Variants in MAN2B2 observed in about 807,000 individuals in gnomAD.
MAN2B2 encodes mannosidase alpha class 2B member 2.
In MAN2B2, 106 loss-of-function variants were observed where a neutral mutation model predicts 117.1. The observed-to-expected ratio is 0.90, with a 90% confidence interval of 0.77 to 1.06. The LOEUF (loss-of-function observed/expected upper bound fraction) is 1.06. Among genes scored for constraint, MAN2B2 ranks in the 50% least tolerant of loss-of-function variants. The probability of loss-of-function intolerance (pLI) is 0.00; values close to 1 mark genes in which losing one functional copy is unlikely to be tolerated. For synonymous variants in MAN2B2, 544 were observed against 595.1 expected (o/e 0.91, Z 1.25); for missense variants, 1,326 against 1,381.4 (o/e 0.96, Z 0.64).
chr4:6,578,327 C>A, intron 2 of MAN2B2, 66 bp from the exon 3 acceptor site: 1 of 1,225,254 alleles, frequency 8.2e-7, no homozygotes, highest in South Asian at 1.3e-5. Context: ...TAGGTGTGTT[C>A]CCCACAGACC....
Position 6,610,974 on chromosome 4 carries a change from G to C in MAN2B2, c.2354G>C (p.Gly785Ala). Residue 785 changes from glycine to alanine, a missense_variant, in exon 14 of 19, where the codon GGG (glycine) becomes GCG (alanine). Coordinates refer to ENST00000285599, the MANE Select transcript of MAN2B2 (RefSeq NM_015274.3). Reference sequence around the variant, plus strand: ...CGGGCACATGGCATCTCCAGCCAAGGGAATGGGCAGGTGGAGGTAGGAGGC... The same window carrying C: ...CGGGCACATGGCATCTCCAGCCAAGCGAATGGGCAGGTGGAGGTAGGAGGC... ...SERAHGISSQGNGQVEVMLHR... is the reference protein window; with the variant it reads ...SERAHGISSQANGQVEVMLHR... 6.2e-7 allele frequency: 1 copy of C among 1,614,176 alleles called. No homozygotes were observed. Among genetic ancestry groups the C allele is most frequent in the East Asian group, 2.2e-5 (1 of 44,886 alleles).
At chr4:6,597,059 A>G in intron 7 of MAN2B2, 54 bp from the exon 8 acceptor site, 1 of 1,532,314 alleles carries the variant, frequency 6.5e-7, no homozygotes, top group Middle Eastern at 1.7e-4. Flanking sequence ...GCTGGAGCTT[A>G]GCAGACTTCT....
intron 15 of MAN2B2, among the ~76,000 whole-genome samples, 180 bp downstream of exon 15, chr4:6,611,458 G>A (rs1166791609): frequency 6.6e-6 from 1 of 152,178 alleles, no homozygotes; most frequent in East Asian, 1.9e-4. Flanking sequence ...GGCAAACAGT[G>A]GCTCACTTAA....
intron 3 of MAN2B2, among the ~76,000 whole-genome samples, chr4:6,579,247 T>C (rs1422680083): frequency 0.032 from 163 of 5,086 alleles, no homozygotes; most frequent in Non-Finnish European, 0.036. Context: ...CCACCACCCT[T>C]CACCACCATC....
rs2301788 is a variant in MAN2B2, at chr4:6,605,137, A to G, written c.1622A>G (p.Asn541Ser). Reference sequence around the variant, plus strand: ...CCAGGCCTCAGTTACCGGCACTACAACATCAGACCCACTGCAGGGGCCCAA... The same window carrying G: ...CCAGGCCTCAGTTACCGGCACTACAGCATCAGACCCACTGCAGGGGCCCAA... ...TIPGLSYRHY[N>S]IRPTAGAQEG... is the part of the protein sequence containing the mutation. Residue 541 changes from asparagine (N) to serine (S), a missense_variant, in exon 11 of 19, where the codon AAC becomes AGC. Coordinates refer to ENST00000285599, the MANE Select transcript of MAN2B2 (RefSeq NM_015274.3). 829,725 of 1,613,928 alleles carry G rather than the reference A, an allele frequency of 0.51. 214,707 individuals carry two copies. Among genetic ancestry groups the G allele is most frequent in the East Asian group, 0.66 (29,588 of 44,872 alleles).
intron 2 of MAN2B2, 90 bp from the exon 3 acceptor site, chr4:6,578,303 C>A (rs1334097635): frequency 1.1e-6 from 1 of 899,968 alleles, no homozygotes; most frequent in Non-Finnish European, 1.8e-6. Context: ...TTATGCAGGG[C>A]GTGTGTGGCG....
chr4:6,586,385 A>G (rs754002931), intron 3 of MAN2B2, among the ~76,000 whole-genome samples: 9 of 152,134 alleles, frequency 5.9e-5, no homozygotes, highest in Admixed American at 1.3e-4. Context: ...ACCACCGCAC[A>G]CTTAGGTTTG....
In MAN2B2 at chr4:6,597,290, G is replaced by A. The variant is rs1408735828; in HGVS notation, c.1235G>A (p.Trp412Ter). The A allele has an allele frequency of 2.6e-6, 4 of 1,554,282 alleles. No individual in the cohort carries two copies. The South Asian group carries it at 4.8e-5, about 18-fold the overall frequency. ...CTGCAGCAGCTCCAGCAGCTTCGCT[G>A]GGCCGTCTCCGAGGTAACACCACAT... The part of the protein sequence containing the change: ...WALQQLQQLR[W>*]AVSEVQHHDA... Residue 412 changes from tryptophan (W) to a stop codon, truncating the protein, a stop_gained, in exon 8 of 19, where the codon TGG (tryptophan) becomes TAG (stop). Transcript: ENST00000285599. LOFTEE classifies it high-confidence loss of function.
chr4:6,605,818 A>G (rs1727521818), intron 11 of MAN2B2, among the ~76,000 whole-genome samples: 1 of 151,396 alleles, frequency 6.6e-6, no homozygotes, highest in Admixed American at 6.6e-5. Flanking sequence ...CCATCCATCC[A>G]TACATCTACC....
In MAN2B2 at chr4:6,620,044, G is replaced by T. The variant is rs778776869; in HGVS notation, c.2932G>T (p.Gly978Cys). 1.2e-6 allele frequency: 2 copies of T among 1,609,624 alleles called. No homozygotes were observed. The highest frequency in any genetic ancestry group is 1.3e-5 in the African/African-American group (1 of 74,830). ...SWRTGPGRHR[G>C]DTTSPSRPPG... ...GAGGACGGGGCCTGGCCGCCACAGA[G>T]GTTTGGGGACCCCCGCTTCAGCTCC... Residue 978 changes from glycine (G) to cysteine (C), a missense_variant and splice_region_variant, in exon 18 of 19, where the codon GGT (glycine) becomes TGT (cysteine). Gly to Cys is a radical substitution (Grantham distance 159, BLOSUM62 -3). Transcript: ENST00000285599.
chr4:6,611,926 A>C (rs16839011), intron 15 of MAN2B2, among the ~76,000 whole-genome samples: 4,457 of 152,342 alleles, frequency 0.029, 204 homozygotes, highest in African/African-American at 0.1. Context: ...TCAGATCAAC[A>C]ACCATGTAGT....
rs1560634528 is a variant in MAN2B2 at position 6,579,141 on chromosome 4, TCACCACCACCATCACCATCACCACCAC to T, written c.391+667_391+693del. ...ATCACCACTACCACCACCACCACCA[TCACCACCACCATCACCATCACCACCAC>T]CACCACCACCATCACCATCACCAGC... On this transcript the variant is annotated intron_variant, in intron 3 of 18. Coordinates refer to ENST00000285599, the MANE Select transcript of MAN2B2 (RefSeq NM_015274.3). Among the ~76,000 whole-genome samples, 21 of 23,982 alleles carry T rather than the reference TCACCACCACCATCACCATCACCACCAC, an allele frequency of 8.8e-4. 2 individuals carry two copies. The highest frequency in any genetic ancestry group is 5.6e-3 in the South Asian group (3 of 534). The allele number at this position is 23,982 out of a possible 152,430, so 15.7% of individuals were successfully genotyped here. A position where few individuals can be genotyped will look rare whatever the true frequency, so the allele number is the denominator to read the frequency against.
rs753497334 is a variant in MAN2B2, at chr4:6,587,095, C to T, written c.491C>T (p.Ala164Val). The T allele has an allele frequency of 1.5e-5, 25 of 1,613,902 alleles. No homozygotes were observed. Among genetic ancestry groups the T allele is most frequent in the Admixed American group, 6.7e-5 (4 of 60,002 alleles). ...GASATTPTLF[A>V]LAGFNAHLGS... is the part of the protein sequence containing the mutation. ...TCTGCCACGACGCCCACCCTATTTG[C>T]GCTGGCGGGCTTCAATGCCCACCTC... Residue 164 changes from alanine to valine, a missense_variant, in exon 4 of 19, where the codon GCG (alanine) becomes GTG (valine). Transcript: ENST00000285599.
chr4:6,597,964 C>T (rs1343345795), intron 8 of MAN2B2, among the ~76,000 whole-genome samples: 1 of 152,208 alleles, frequency 6.6e-6, no homozygotes, highest in African/African-American at 2.4e-5. Context: ...TCCTTCAGAG[C>T]AGGGGGTCCA....
chr4:6,593,117 G>A, intron 5 of MAN2B2, 56 bp from the exon 6 acceptor site: 2 of 1,569,252 alleles, frequency 1.3e-6, no homozygotes, highest in South Asian at 2.3e-5. Flanking sequence ...TTGGGTGTGA[G>A]CCCTGGCTGT....
rs372087045 is a variant in MAN2B2 at position 6,578,389 on chromosome 4, C to G, written c.286-4C>G. 243 of 1,611,300 alleles carry G rather than the reference C, an allele frequency of 1.5e-4. No individual in the cohort carries two copies. The highest frequency in any genetic ancestry group is 1.3e-4 in the Non-Finnish European group (156 of 1,178,578). Reference sequence around the variant, plus strand: ...CTTTTTTCTCTCTGCCTGCCCATGTCAAGGTCCGCCAGCTCCTGGAGGAAG... The same window carrying G: ...CTTTTTTCTCTCTGCCTGCCCATGTGAAGGTCCGCCAGCTCCTGGAGGAAG... On this transcript the variant is annotated splice_region_variant and splice_polypyrimidine_tract_variant and intron_variant, in intron 2 of 18. Coordinates refer to ENST00000285599, the MANE Select transcript of MAN2B2 (RefSeq NM_015274.3).
chr4:6,578,385 A>C lies in MAN2B2; in HGVS notation c.286-8A>C, dbSNP rs747672624. ...CTGGCTTTTTTCTCTCTGCCTGCCC[A>C]TGTCAAGGTCCGCCAGCTCCTGGAG... is the stretch of plus-strand genomic sequence containing the variant. On this transcript the variant is annotated splice_region_variant and splice_polypyrimidine_tract_variant and intron_variant, in intron 2 of 18. Coordinates refer to ENST00000285599, the MANE Select transcript of MAN2B2 (RefSeq NM_015274.3). 3.7e-6 allele frequency: 6 copies of C among 1,610,348 alleles called. No homozygotes were observed. In the Admixed American group the frequency reaches 1.0e-4, roughly 27 times the overall value.
At chr4:6,593,562 C>A (rs560317732) in intron 6 of MAN2B2, among the ~76,000 whole-genome samples, 3 of 152,356 alleles carry the variant, frequency 2.0e-5, no homozygotes, top group Admixed American at 6.5e-5. Context: ...CCACGCTGGC[C>A]TCTCCAGCTC....
intron 11 of MAN2B2, 145 bp downstream of exon 11, chr4:6,605,474 A>C: frequency 1.0e-6 from 1 of 973,400 alleles, no homozygotes; most frequent in Non-Finnish European, 1.5e-6. Context: ...TGTGATCTTT[A>C]ATTTTAGAAG....
Sources: gnomAD v4.1 joint callset for allele counts (sites outside exome capture counted in the v4.1 genomes callset) on GRCh38, gnomAD v4.1.1 for gene constraint, MANE v1.5 for transcripts, NCBI Gene and HGNC (gene_info 2026-07-23, HGNC 2026-07-21) for gene names.